PWWP3A: variants seen among roughly 807,000 people sequenced by gnomAD.
PWWP3A encodes PWWP domain-containing DNA repair factor 3A.
In PWWP3A, 53 loss-of-function variants were observed where a neutral mutation model predicts 79.0. The observed-to-expected ratio is 0.67, with a 90% confidence interval of 0.54 to 0.84. PWWP3A has a LOEUF of 0.84. Ranked by LOEUF, PWWP3A falls within the 40% of genes least tolerant of loss-of-function variation. PWWP3A has a pLI of 0.00. For missense variants in PWWP3A, 973 were observed against 948.0 expected (o/e 1.03, Z -0.35); for synonymous variants, 443 against 394.4 (o/e 1.12, Z -1.46).
Position 1,358,411 on chromosome 19 carries a change from C to T in PWWP3A, c.161C>T (p.Thr54Ile). 2 of 1,614,046 alleles carry T rather than the reference C, an allele frequency of 1.2e-6. No homozygotes were observed. Among genetic ancestry groups the T allele is most frequent in the Non-Finnish European group, 1.7e-6 (2 of 1,179,948 alleles). Residue 54 changes from threonine (T) to isoleucine (I), a missense_variant, in exon 4 of 14, where the codon ACT becomes ATT. Thr to Ile is a moderately conservative substitution (Grantham distance 89). Coordinates refer to ENST00000591337, the MANE Select transcript of PWWP3A (RefSeq NM_001369789.1). ...CTCTGCAGAATTAAGGTGAAAAGCACTGAAGTTGAGATCCTAGAGAAGTCT... is the reference window on the plus strand; with the variant it reads ...CTCTGCAGAATTAAGGTGAAAAGCATTGAAGTTGAGATCCTAGAGAAGTCT... ...SLEEKIKVKS[T>I]EVEILEKSQI...
chr19:1,375,625 ATT>A (rs1332156052), intron 13 of PWWP3A, among the ~76,000 whole-genome samples: 24 of 16,826 alleles, frequency 1.4e-3, no homozygotes, highest in African/African-American at 6.7e-3. Flanking sequence ...TTATATAACA[ATT>A]TTATATATTA....
chr19:1,364,903 G>C (rs972501449), intron 7 of PWWP3A, among the ~76,000 whole-genome samples: 1 of 152,190 alleles, frequency 6.6e-6, no homozygotes, highest in Non-Finnish European at 1.5e-5. Context: ...TGGATCACCT[G>C]AGGTCGGGAG....
chr19:1,376,778 G>T lies in PWWP3A; in HGVS notation c.*202G>T, dbSNP rs1378931893. ...GAAAGCCAGTTCTCTTTTCCTGGCAGTTTTTTTCATTTTATTTTTGGCATT... is the reference window on the plus strand; with the variant it reads ...GAAAGCCAGTTCTCTTTTCCTGGCATTTTTTTTCATTTTATTTTTGGCATT... On this transcript the variant is annotated 3_prime_UTR_variant, in exon 14 of 14. Transcript: ENST00000591337. The T allele has an allele frequency of 1.0e-5, 5 of 490,812 alleles. No homozygotes were observed. The highest frequency in any genetic ancestry group is 2.0e-5 in the African/African-American group (1 of 50,302). The allele number at this position is 490,812 out of a possible 1,614,324, so 30.4% of individuals were successfully genotyped here.
At chr19:1,373,051 G>A (rs1289663737) in intron 12 of PWWP3A, 21 bp from the exon 13 acceptor site, 1 of 1,612,280 alleles carries the variant, frequency 6.2e-7, no homozygotes, top group Admixed American at 1.7e-5. Context: ...TGCTGCTATT[G>A]AGCCCCGTGC....
At chr19:1,358,241 C>A in intron 3 of PWWP3A, 153 bp from the exon 4 acceptor site, 1 of 631,264 alleles carries the variant, frequency 1.6e-6, no homozygotes, top group Non-Finnish European at 2.7e-6. Flanking sequence ...TAACCTCAGG[C>A]AGATGAATTC....
chr19:1,356,479 C>T (rs769726983), intron 2 of PWWP3A, 30 bp downstream of exon 2: 5 of 1,608,824 alleles, frequency 3.1e-6, no homozygotes, highest in Non-Finnish European at 4.3e-6. Context: ...AACTTCAGGA[C>T]TTAGAAATGA....
In PWWP3A at chr19:1,370,350, G is replaced by A. The variant is rs974680107; in HGVS notation, c.1550-292G>A. Reference sequence around the variant, plus strand: ...TCCATGCCTCCTGGTTGGTGGAGGAGTGGACGTGGCTGAATTGATTCTGCT... The same window carrying A: ...TCCATGCCTCCTGGTTGGTGGAGGAATGGACGTGGCTGAATTGATTCTGCT... On this transcript the variant is annotated intron_variant, in intron 11 of 13. Coordinates refer to ENST00000591337, the MANE Select transcript of PWWP3A (RefSeq NM_001369789.1). Among the ~76,000 whole-genome samples the A allele has an allele frequency of 2.0e-5, 3 of 152,348 alleles. 1 individual carries two copies. In the South Asian group the frequency reaches 6.2e-4, roughly 32 times the overall value.
chr19:1,365,056 G>T (rs2082099701), intron 7 of PWWP3A, among the ~76,000 whole-genome samples: 1 of 152,206 alleles, frequency 6.6e-6, no homozygotes, highest in Non-Finnish European at 1.5e-5. Context: ...AGAGGTAGAG[G>T]TTGCAGTGAG....
At chr19:1,355,472 C>T (rs1378631760) in intron 1 of PWWP3A, among the ~76,000 whole-genome samples, 4 of 65,042 alleles carry the variant, frequency 6.1e-5, no homozygotes, top group Non-Finnish European at 1.6e-4. Context: ...CCATCTGCTT[C>T]CCTGGATTCC....
At chr19:1,356,145 G>C in intron 1 of PWWP3A, 179 bp from the exon 2 acceptor site, 2 of 549,930 alleles carry the variant, frequency 3.6e-6, no homozygotes, top group South Asian at 4.2e-5. Context: ...CCTGGATACC[G>C]AGCCCCGTCG....
At chr19:1,361,096 T>C (rs1174115784) in intron 5 of PWWP3A, 64 bp downstream of exon 5, 1 of 1,349,094 alleles carries the variant, frequency 7.4e-7, no homozygotes, top group African/African-American at 1.5e-5. Flanking sequence ...GCAGCCAGAC[T>C]GGGAGCCAGG....
chr19:1,376,299 T>TTTG (rs2082395543), intron 13 of PWWP3A, among the ~76,000 whole-genome samples: 1 of 91,216 alleles, frequency 1.1e-5, no homozygotes, highest in Admixed American at 1.1e-4. Flanking sequence ...CTGTTTGTTT[T>TTTG]TTTTTTTGTT....
chr19:1,373,684 C>T (rs988020395), intron 13 of PWWP3A: 3 of 155,164 alleles, frequency 1.9e-5, no homozygotes, highest in East Asian at 1.9e-4. Flanking sequence ...GCGGGGCCCA[C>T]GGGGCAGTGA....
intron 13 of PWWP3A, among the ~76,000 whole-genome samples, chr19:1,376,008 A>G (rs2082383586): frequency 6.7e-6 from 1 of 149,998 alleles, no homozygotes; most frequent in African/African-American, 2.5e-5. Flanking sequence ...ACAGCATTTC[A>G]CCATCTTGGC....
rs1011977178 is a variant in PWWP3A at position 1,377,674 on chromosome 19, C to T, written c.*1098C>T. The T allele has an allele frequency of 3.9e-5, 6 of 152,308 alleles. No homozygotes were observed. Among genetic ancestry groups the T allele is most frequent in the Admixed American group, 3.9e-4 (6 of 15,282 alleles). The allele number at this position is 152,308 out of a possible 1,614,324, so 9.4% of individuals were successfully genotyped here. On this transcript the variant is annotated 3_prime_UTR_variant, in exon 14 of 14. Transcript: ENST00000591337. ...AGCCACAGACGATGACTTGTCCATT[C>T]TCAGTGGATGCTCCAGGCTGTGCCT...
chr19:1,375,597 A>G (rs2082363872), intron 13 of PWWP3A, among the ~76,000 whole-genome samples: 1 of 134,628 alleles, frequency 7.4e-6, no homozygotes, highest in Admixed American at 8.0e-5. Flanking sequence ...ATAATTTTAT[A>G]TATTATAATA....
chr19:1,376,270 C>T (rs1381951129), intron 13 of PWWP3A, among the ~76,000 whole-genome samples: 1 of 145,592 alleles, frequency 6.9e-6, no homozygotes, highest in South Asian at 2.2e-4. Context: ...GGATTACAGA[C>T]ATGCGCCACC....
At chr19:1,367,254 G>A in intron 9 of PWWP3A, 34 bp downstream of exon 9, 1 of 1,574,264 alleles carries the variant, frequency 6.4e-7, no homozygotes, top group South Asian at 1.1e-5. Context: ...TGCTTTAAAT[G>A]GTTTACTTTG....
In PWWP3A at chr19:1,358,685, C is replaced by T. The variant is rs549020446; in HGVS notation, c.214+221C>T. 7 of 1,522,570 alleles carry T rather than the reference C, an allele frequency of 4.6e-6. No individual in the cohort carries two copies. The Admixed American group carries it at 5.9e-5, about 13-fold the overall frequency. The allele number at this position is 1,522,570 out of a possible 1,614,324, so 94.3% of individuals were successfully genotyped here. On this transcript the variant is annotated intron_variant, in intron 4 of 13. Coordinates refer to ENST00000591337, the MANE Select transcript of PWWP3A (RefSeq NM_001369789.1). ...CCTAGAACCACTCCTATTCTTGACG[C>T]CCAGAATGGTCAGTGGTGAGCATCA...
Sources: gnomAD v4.1 joint callset for allele counts (sites outside exome capture counted in the v4.1 genomes callset) on GRCh38, gnomAD v4.1.1 for gene constraint, MANE v1.5 for transcripts, NCBI Gene and HGNC (gene_info 2026-07-23, HGNC 2026-07-21) for gene names.